Variants in CCDC124 observed in about 807,000 individuals in gnomAD.
The protein encoded by CCDC124 is coiled-coil domain-containing protein 124.
Under a neutral mutation model 19.8 loss-of-function variants are expected in CCDC124, and 9 were observed. The observed-to-expected ratio is 0.45, with a 90% CI of 0.27 to 0.79. The LOEUF (loss-of-function observed/expected upper bound fraction) is 0.79, where lower values mean the gene tolerates loss of function less well. Among genes scored for constraint, CCDC124 ranks in the 30% least tolerant of loss-of-function variants. CCDC124 has a pLI of 0.14. For synonymous variants in CCDC124, 126 were observed against 131.3 expected, an observed-to-expected ratio of 0.96 and a Z score of 0.27; for missense variants, 285 against 319.0, an observed-to-expected ratio of 0.89 and a Z score of 0.81.
At chr19:17,933,896 C>T (rs1263620451) in intron 1 of CCDC124, among the ~76,000 whole-genome samples, 1 of 152,218 alleles carries the variant, frequency 6.6e-6, no homozygotes, top group African/African-American at 2.4e-5. Context: ...TCCCCAGCAT[C>T]GCACACGTAT....
rs2031252351 is a variant in CCDC124 at position 17,943,928 on chromosome 19, G to A, written c.*213G>A. The A allele has an allele frequency of 8.4e-6, 5 of 597,100 alleles. No homozygotes were observed. The highest frequency in any genetic ancestry group is 1.5e-5 in the Non-Finnish European group (5 of 336,228). 37.0% of individuals were successfully genotyped at this position (597,100 alleles called of 1,614,324 possible). ...TCCCCTCCCATCCCCCGGCGCGTGT[G>A]TGTAGAGCCTCAGGGCTGAGTGCCC... On this transcript the variant is annotated 3_prime_UTR_variant, in exon 5 of 5. Coordinates refer to ENST00000445755, the MANE Select transcript of CCDC124 (RefSeq NM_001136203.2).
chr19:17,943,243 A>AGCC lies in CCDC124; in HGVS notation c.350-18_350-17insGCC. The AGCC allele has an allele frequency of 3.6e-4, 157 of 430,444 alleles. No individual in the cohort carries two copies. Among genetic ancestry groups the AGCC allele is most frequent in the South Asian group, 9.1e-4 (56 of 61,404 alleles). The allele number at this position is 430,444 out of a possible 1,614,324, so 26.7% of individuals were successfully genotyped here. Reference sequence around the variant, plus strand: ...TTGCTTATCTCTCTCTGTCTCTGTCACCCACCCACCCGCCCAGCCGAGAAA... The same window carrying AGCC: ...TTGCTTATCTCTCTCTGTCTCTGTCAGCCCCCACCCACCCGCCCAGCCGAGAAA... On this transcript the variant is annotated splice_polypyrimidine_tract_variant and intron_variant, in intron 3 of 4. Transcript: ENST00000445755.
rs78604062 is a variant in CCDC124 at position 17,943,570 on chromosome 19, T to C, written c.527T>C (p.Phe176Ser). The change falls in exon 5 of 5, where the codon TTT (phenylalanine) becomes TCT (serine). Residue 176 changes from phenylalanine (F) to serine (S), a missense_variant. Phe to Ser is a radical substitution (Grantham distance 155). Coordinates refer to ENST00000445755, the MANE Select transcript of CCDC124 (RefSeq NM_001136203.2). ...ERRMRAAFTAFEEAQLPRLKQ... is the reference protein window; with the variant it reads ...ERRMRAAFTASEEAQLPRLKQ... Reference sequence around the variant, plus strand: ...CGCATGCGGGCAGCCTTCACAGCCTTTGAGGAAGCCCAGCTGCCGCGGCTC... The same window carrying C: ...CGCATGCGGGCAGCCTTCACAGCCTCTGAGGAAGCCCAGCTGCCGCGGCTC... 1 of 1,612,688 alleles carries C rather than the reference T, an allele frequency of 6.2e-7. No individual in the cohort carries two copies.
chr19:17,943,758 T>C lies in CCDC124; in HGVS notation c.*43T>C, dbSNP rs2031247801. The C allele has an allele frequency of 6.3e-7, 1 of 1,583,818 alleles. No individual in the cohort carries two copies. The highest frequency in any genetic ancestry group is 8.6e-7 in the Non-Finnish European group (1 of 1,159,466). On this transcript the variant is annotated 3_prime_UTR_variant, in exon 5 of 5. Coordinates refer to ENST00000445755, the MANE Select transcript of CCDC124 (RefSeq NM_001136203.2). ...CCAGTTCACCCACGGGTGGTCCAGG[T>C]CACGACTCTGCACGCCCTTAGGCCA...
intron 4 of CCDC124, 24 bp from the exon 5 acceptor site, chr19:17,943,484 C>A (rs1384899579): frequency 1.9e-6 from 3 of 1,604,536 alleles, no homozygotes; most frequent in Non-Finnish European, 2.5e-6. Flanking sequence ...CCCAAGGCCC[C>A]CTGACGCTCA....
chr19:17,942,698 A>G lies in CCDC124; in HGVS notation c.202A>G (p.Lys68Glu), dbSNP rs1244982172. 9.0e-6 allele frequency: 14 copies of G among 1,555,638 alleles called. No individual in the cohort carries two copies. Among genetic ancestry groups the G allele is most frequent in the Non-Finnish European group, 1.2e-5 (14 of 1,149,644 alleles). ...GCGCCTCGACCAGCTGGAACGTAAG[A>G]AGGAGACGCAGCGCCTACTGGAGGA... ...KRRLDQLERK[K>E]ETQRLLEEED... Residue 68 changes from lysine (K) to glutamate (E), a missense_variant, in exon 3 of 5, where the codon AAG (lysine) becomes GAG (glutamate). Transcript: ENST00000445755. This position sits in a 1 kb window ranked among gnomAD's most constrained non-coding sequence, Gnocchi z 4.2.
In CCDC124 at chr19:17,943,242, C is replaced by CTGGGGG; in HGVS notation, c.350-19_350-18insTGGGGG. 9 of 734,624 alleles carry CTGGGGG rather than the reference C, an allele frequency of 1.2e-5. No homozygotes were observed. Among genetic ancestry groups the CTGGGGG allele is most frequent in the East Asian group, 2.7e-5 (1 of 36,920 alleles). 45.5% of individuals were successfully genotyped at this position (734,624 alleles called of 1,614,324 possible). A position where few individuals can be genotyped will look rare whatever the true frequency, so the allele number is the denominator to read the frequency against. On this transcript the variant is annotated intron_variant, in intron 3 of 4. Transcript: ENST00000445755. ...TTTGCTTATCTCTCTCTGTCTCTGT[C>CTGGGGG]ACCCACCCACCCGCCCAGCCGAGAA...
intron 2 of CCDC124, chr19:17,936,850 A>G (rs1417498679): frequency 1.5e-5 from 5 of 325,794 alleles, no homozygotes; most frequent in Non-Finnish European, 2.8e-5. Flanking sequence ...GTGGTGGCGC[A>G]CACTTACAGT....
chr19:17,942,896 G>C lies in CCDC124; in HGVS notation c.349+51G>C, dbSNP rs1356572548. ...TGCACTTTTGCCCACTGCAGAGGCA[G>C]TGGACCTTGAGTCCATTAGCCCCCT... On this transcript the variant is annotated intron_variant, in intron 3 of 4. Transcript: ENST00000445755. This position sits in a 1 kb window ranked among gnomAD's most constrained non-coding sequence, Gnocchi z 4.2. 2 of 1,461,412 alleles carry C rather than the reference G, an allele frequency of 1.4e-6. No homozygotes were observed. Among genetic ancestry groups the C allele is most frequent in the Admixed American group, 5.4e-5 (2 of 36,720 alleles). 90.5% of individuals were successfully genotyped at this position (1,461,412 alleles called of 1,614,324 possible).
chr19:17,936,279 G>C (rs2031060076), intron 1 of CCDC124, 131 bp from the exon 2 acceptor site: 1 of 735,264 alleles, frequency 1.4e-6, no homozygotes. Context: ...TAAGTCCAAA[G>C]CCCTTGTTTT....
intron 2 of CCDC124, chr19:17,937,121 A>G (rs1220078643): frequency 6.6e-6 from 1 of 152,258 alleles, no homozygotes; most frequent in Non-Finnish European, 1.5e-5. Context: ...ACTCTACTCA[A>G]AATACAAAAA....
intron 1 of CCDC124, among the ~76,000 whole-genome samples, chr19:17,934,784 A>G (rs1382827567): frequency 1.3e-5 from 2 of 152,096 alleles, no homozygotes; most frequent in Non-Finnish European, 2.9e-5. Context: ...CCCTGTCTCC[A>G]AAATAAATAA....
At chr19:17,936,289 T>C in intron 1 of CCDC124, 121 bp from the exon 2 acceptor site, 1 of 809,034 alleles carries the variant, frequency 1.2e-6, no homozygotes, top group Non-Finnish European at 1.9e-6. Flanking sequence ...GCCCTTGTTT[T>C]ATACAGAGAA....
At chr19:17,933,239 C>T (rs985751824) in intron 1 of CCDC124, among the ~76,000 whole-genome samples, 191 bp downstream of exon 1, 2 of 152,174 alleles carry the variant, frequency 1.3e-5, no homozygotes, top group East Asian at 3.9e-4. Flanking sequence ...ACGATTGAAG[C>T]CCGACGCGAC....
chr19:17,935,993 C>T (rs2031053275), intron 1 of CCDC124, among the ~76,000 whole-genome samples: 1 of 152,200 alleles, frequency 6.6e-6, no homozygotes, highest in African/African-American at 2.4e-5. Flanking sequence ...CAACCTCCAC[C>T]TCCCGGGTTC....
At position 17,943,924 on chromosome 19, in the gene CCDC124, G is replaced by A. The variant is rs2031252238; in HGVS notation, c.*209G>A. ...CCCATCCCCTCCCATCCCCCGGCGC[G>A]TGTGTGTAGAGCCTCAGGGCTGAGT... On this transcript the variant is annotated 3_prime_UTR_variant, in exon 5 of 5. Transcript: ENST00000445755. The A allele has an allele frequency of 6.7e-6, 4 of 599,634 alleles. No homozygotes were observed. Among genetic ancestry groups the A allele is most frequent in the Admixed American group, 3.0e-5 (1 of 33,800 alleles). 37.1% of individuals were successfully genotyped at this position (599,634 alleles called of 1,614,324 possible). A position where few individuals can be genotyped will look rare whatever the true frequency, so the allele number is the denominator to read the frequency against.
Position 17,936,468 on chromosome 19 carries a change from G to C in CCDC124, c.48G>C (p.Arg16=), listed in dbSNP as rs2031065469. 1.2e-6 allele frequency: 2 copies of C among 1,613,256 alleles called. No homozygotes were observed. The highest frequency in any genetic ancestry group is 8.5e-7 in the Non-Finnish European group (1 of 1,179,826). The change falls in exon 2 of 5, where the codon CGG becomes CGC. Residue 16 remains arginine, a synonymous_variant. Transcript: ENST00000445755. ...QGENTKSAAA[R]ARRAEAKAAA... Reference sequence around the variant, plus strand: ...AGAACACCAAGTCGGCAGCGGCCCGGGCACGTAGGGCAGAGGCCAAGGCGG... The same window carrying C: ...AGAACACCAAGTCGGCAGCGGCCCGCGCACGTAGGGCAGAGGCCAAGGCGG...
chr19:17,940,818 T>C (rs8099927), intron 2 of CCDC124, among the ~76,000 whole-genome samples: 99,375 of 148,390 alleles, frequency 0.67, 33,641 homozygotes, highest in African/African-American at 0.8. Context: ...GAGGCCGAGG[T>C]GGGCAGATCA....
rs373694474 is a variant in CCDC124, at chr19:17,943,494, A to G, written c.465-14A>G. Reference sequence around the variant, plus strand: ...CTGCGCCCAAGGCCCCCTGACGCTCATGTCCACCCCCAGCGTGGCGGAGGA... The same window carrying G: ...CTGCGCCCAAGGCCCCCTGACGCTCGTGTCCACCCCCAGCGTGGCGGAGGA... On this transcript the variant is annotated splice_polypyrimidine_tract_variant and intron_variant, in intron 4 of 4. Coordinates refer to ENST00000445755, the MANE Select transcript of CCDC124 (RefSeq NM_001136203.2). 1 of 1,607,626 alleles carries G rather than the reference A, an allele frequency of 6.2e-7. No homozygotes were observed. Among genetic ancestry groups the G allele is most frequent in the Admixed American group, 1.7e-5 (1 of 59,876 alleles).
Sources: gnomAD v4.1 joint callset for allele counts (sites outside exome capture counted in the v4.1 genomes callset) on GRCh38, gnomAD v4.1.1 for gene constraint, Gnocchi (gnomAD v3.1) non-coding constraint, MANE v1.5 for transcripts, NCBI Gene and HGNC (gene_info 2026-07-23, HGNC 2026-07-21) for gene names.